Variants in GRB2 observed in about 807,000 individuals in gnomAD.
GRB2 encodes the protein growth factor receptor bound protein 2.
Under a neutral mutation model 27.4 loss-of-function variants are expected in GRB2, and 2 were observed. That is an observed-to-expected ratio of 0.07 (90% CI 0.03 to 0.23). GRB2 has a LOEUF of 0.23. Among genes scored for constraint, GRB2 ranks in the 10% least tolerant of loss-of-function variants. The pLI, the probability that GRB2 is intolerant of heterozygous loss-of-function variation, is 1.00. For missense variants in GRB2, 102 were observed against 282.4 expected (o/e 0.36, Z 4.58); for synonymous variants, 94 against 99.6 (o/e 0.94, Z 0.33).
At chr17:75,344,667 A>G (rs958457102) in intron 2 of GRB2, among the ~76,000 whole-genome samples, 1 of 152,016 alleles carries the variant, frequency 6.6e-6, no homozygotes, top group African/African-American at 2.4e-5. Context: ...GCCAGGATTT[A>G]CAGGTGTTGA....
intron 3 of GRB2, among the ~76,000 whole-genome samples, chr17:75,331,034 A>T (rs1214376613): frequency 6.6e-6 from 1 of 152,140 alleles, no homozygotes; most frequent in Non-Finnish European, 1.5e-5. Context: ...ACAAACAAAA[A>T]AACAGGAGGT....
intron 2 of GRB2, among the ~76,000 whole-genome samples, chr17:75,363,745 A>C (rs1567867771): frequency 6.6e-6 from 1 of 151,892 alleles, no homozygotes; most frequent in Non-Finnish European, 1.5e-5. Context: ...CTGTAGTCCC[A>C]GCTACTCGGG....
chr17:75,387,804 A>C (rs1024189028), intron 2 of GRB2: 15 of 151,846 alleles, frequency 9.9e-5, no homozygotes, highest in African/African-American at 3.2e-4. Flanking sequence ...CCTAAAAAAA[A>C]AAACAAAACA....
At chr17:75,353,435 T>C (rs1260193554) in intron 2 of GRB2, among the ~76,000 whole-genome samples, 1 of 151,000 alleles carries the variant, frequency 6.6e-6, no homozygotes, top group African/African-American at 2.4e-5. Context: ...TGGTTGGGCT[T>C]CTGTATTTCC....
At chr17:75,369,281 GT>G (rs1567869369) in intron 2 of GRB2, among the ~76,000 whole-genome samples, 1 of 152,168 alleles carries the variant, frequency 6.6e-6, no homozygotes, top group African/African-American at 2.4e-5. Flanking sequence ...TAACCTAGGA[GT>G]TCACAATGCG....
intron 2 of GRB2, among the ~76,000 whole-genome samples, chr17:75,393,088 A>G (rs570496244): frequency 6.6e-6 from 1 of 152,244 alleles, no homozygotes; most frequent in South Asian, 2.1e-4. Flanking sequence ...CAACCTCTCT[A>G]AACTGGGAAA....
At chr17:75,341,667 A>G in intron 2 of GRB2, among the ~76,000 whole-genome samples, 1 of 152,130 alleles carries the variant, frequency 6.6e-6, no homozygotes, top group Non-Finnish European at 1.5e-5. Context: ...ATCATTCATT[A>G]CTTTATACTT....
At chr17:75,376,169 C>T (rs1386921095) in intron 2 of GRB2, among the ~76,000 whole-genome samples, 1 of 151,208 alleles carries the variant, frequency 6.6e-6, no homozygotes, top group East Asian at 1.9e-4. Context: ...ACGGTTAAAC[C>T]CCATCTCTAT....
intron 2 of GRB2, among the ~76,000 whole-genome samples, chr17:75,384,821 T>C (rs2078951838): frequency 6.6e-6 from 1 of 151,560 alleles, no homozygotes; most frequent in Non-Finnish European, 1.5e-5. Context: ...GATCTATGTA[T>C]ATGATAAAAA....
At chr17:75,339,046 G>C (rs2078601501) in intron 2 of GRB2, 2 of 1,270,800 alleles carry the variant, frequency 1.6e-6, no homozygotes, top group Non-Finnish European at 2.3e-6. Flanking sequence ...TGAGTGCGTT[G>C]AGCCCAACTG....
At chr17:75,370,192 C>G (rs1340422384) in intron 2 of GRB2, among the ~76,000 whole-genome samples, 1 of 152,148 alleles carries the variant, frequency 6.6e-6, no homozygotes, top group African/African-American at 2.4e-5. Context: ...AAGGCTGCCA[C>G]TAATATTCAT....
chr17:75,405,618 TGCCACAGCCGCCGCC>T lies in GRB2; in HGVS notation c.-282_-268del, dbSNP rs1207249536. 1 of 162,820 alleles carries T rather than the reference TGCCACAGCCGCCGCC, an allele frequency of 6.1e-6. No homozygotes were observed. Among genetic ancestry groups the T allele is most frequent in the Non-Finnish European group, 1.3e-5 (1 of 74,760 alleles). 10.1% of individuals were successfully genotyped at this position (162,820 alleles called of 1,614,324 possible). A position where few individuals can be genotyped will look rare whatever the true frequency, so the allele number is the denominator to read the frequency against. ...CCGTCACCGCCACAGGCACAGACTC[TGCCACAGCCGCCGCC>T]GCCGCTGCCGCCGCCCGGTCGCCGA... On this transcript the variant is annotated 5_prime_UTR_variant, in exon 1 of 6. Coordinates refer to ENST00000316804, the MANE Select transcript of GRB2 (RefSeq NM_002086.5).
chr17:75,347,345 T>C (rs1301699196), intron 2 of GRB2, among the ~76,000 whole-genome samples: 1 of 152,214 alleles, frequency 6.6e-6, no homozygotes, highest in Non-Finnish European at 1.5e-5. Context: ...TTTCCTCTGA[T>C]TGATCCCCAC....
intron 2 of GRB2, among the ~76,000 whole-genome samples, chr17:75,339,859 C>T (rs2078608865): frequency 6.6e-6 from 1 of 152,134 alleles, no homozygotes; most frequent in South Asian, 2.1e-4. Context: ...GAACTACTGA[C>T]CTCAGGCGAT....
chr17:75,352,926 C>T (rs560192798), intron 2 of GRB2, among the ~76,000 whole-genome samples: 244 of 151,310 alleles, frequency 1.6e-3, no homozygotes, highest in Non-Finnish European at 2.8e-3. Context: ...TGGCTCACGC[C>T]TGTAATCCCA....
chr17:75,381,913 AC>A (rs2145863492), intron 2 of GRB2, among the ~76,000 whole-genome samples: 1 of 151,994 alleles, frequency 6.6e-6, no homozygotes, highest in African/African-American at 2.4e-5. Flanking sequence ...GAAAAATGTT[AC>A]CAAGGGCTTT....
rs547477107 is a variant in GRB2 at position 75,373,270 on chromosome 17, G to A, written c.78+20281C>T. The A allele has an allele frequency of 2.0e-5, 3 of 152,300 alleles. No homozygotes were observed. In the East Asian group the frequency reaches 5.8e-4, roughly 29 times the overall value. 9.4% of individuals were successfully genotyped at this position (152,300 alleles called of 1,614,324 possible). A position where few individuals can be genotyped will look rare whatever the true frequency, so the allele number is the denominator to read the frequency against. On this transcript the variant is annotated intron_variant, in intron 2 of 5. Transcript: ENST00000316804. ...AAAAGAAAGAAAATCTACTTTCAGAGTATTTCCTTAAGCAAGAGTGAGGCT... is the reference window on the plus strand; with the variant it reads ...AAAAGAAAGAAAATCTACTTTCAGAATATTTCCTTAAGCAAGAGTGAGGCT...
chr17:75,373,378 T>C (rs767504432), intron 2 of GRB2: 7 of 152,256 alleles, frequency 4.6e-5, no homozygotes, highest in Non-Finnish European at 8.8e-5. Context: ...AAGCTCTTCA[T>C]ATGCCGTGCC....
chr17:75,348,414 C>T (rs552438214), intron 2 of GRB2, among the ~76,000 whole-genome samples: 1 of 152,246 alleles, frequency 6.6e-6, no homozygotes, highest in East Asian at 1.9e-4. Context: ...GTAATCTGAC[C>T]ATTACTAGAC....
Sources: gnomAD v4.1 joint callset for allele counts (sites outside exome capture counted in the v4.1 genomes callset) on GRCh38, gnomAD v4.1.1 for gene constraint, MANE v1.5 for transcripts, NCBI Gene and HGNC (gene_info 2026-07-23, HGNC 2026-07-21) for gene names.